RPS6KA2: variants seen among roughly 807,000 people sequenced by gnomAD.
RPS6KA2 encodes the protein ribosomal protein S6 kinase alpha-2.
Under a neutral mutation model 91.8 loss-of-function variants are expected in RPS6KA2, and 42 were observed. The observed-to-expected ratio is 0.46, with a 90% CI of 0.36 to 0.59. The LOEUF is 0.59. Among genes scored for constraint, RPS6KA2 ranks in the 20% least tolerant of loss-of-function variants. The probability of loss-of-function intolerance (pLI) is 0.00; values close to 1 mark genes in which losing one functional copy is unlikely to be tolerated. For synonymous variants in RPS6KA2, 414 were observed against 393.6 expected, an observed-to-expected ratio of 1.05 and a Z score of -0.61; for missense variants, 798 against 978.5, an observed-to-expected ratio of 0.82 and a Z score of 2.46.
At chr6:166,791,989 G>A (rs138077000) in intron 2 of RPS6KA2, among the ~76,000 whole-genome samples, 1,564 of 152,022 alleles carry the variant, frequency 0.01, 40 homozygotes, top group African/African-American at 0.036. Context: ...TCAAAAGCTA[G>A]CAGAAGGCAA....
intron 1 of RPS6KA2, among the ~76,000 whole-genome samples, chr6:166,588,808 G>C (rs28377702): frequency 0.042 from 6,415 of 152,298 alleles, 217 homozygotes; most frequent in Non-Finnish European, 0.061. Context: ...ATGACAGACA[G>C]GGTGCGGCAG....
At chr6:166,763,489 A>T (rs989211616) in intron 2 of RPS6KA2, among the ~76,000 whole-genome samples, 1 of 152,216 alleles carries the variant, frequency 6.6e-6, no homozygotes, top group Non-Finnish European at 1.5e-5. Context: ...TGACTACTTC[A>T]TCTGGTTGTT....
chr6:166,858,792 T>C (rs1536645), intron 1 of RPS6KA2, among the ~76,000 whole-genome samples: 118,011 of 152,268 alleles, frequency 0.78, 49,904 homozygotes, highest in Non-Finnish European at 0.93. Context: ...AAGGTTTAAG[T>C]GGAACCATCT....
chr6:166,841,438 C>T (rs1432405025), intron 2 of RPS6KA2, among the ~76,000 whole-genome samples: 1 of 152,178 alleles, frequency 6.6e-6, no homozygotes, highest in African/African-American at 2.4e-5. Flanking sequence ...CCAGAGCTGA[C>T]GATGAGCTTT....
At chr6:166,588,288 C>G (rs3799601) in intron 1 of RPS6KA2, among the ~76,000 whole-genome samples, 14,548 of 152,246 alleles carry the variant, frequency 0.096, 780 homozygotes, top group East Asian at 0.25. Context: ...AAAGAAACAG[C>G]CTATGAGTGT....
At position 166,609,018 on chromosome 6, in the gene RPS6KA2, C is replaced by T. The variant is rs117203465; in HGVS notation, c.99+17903G>A. ...CCCCAGTTCAACCCCATCTCCACTG[C>T]GGTTTGGAAAATTGTCAGGCCTGAG... On this transcript the variant is annotated intron_variant, in intron 1 of 20. Coordinates refer to ENST00000265678, the MANE Select transcript of RPS6KA2 (RefSeq NM_021135.6). 2.4e-3 allele frequency among the ~76,000 whole-genome samples: 362 copies of T among 152,218 alleles called. 2 individuals carry two copies. Among genetic ancestry groups the T allele is most frequent in the Non-Finnish European group, 3.7e-3 (251 of 68,022 alleles).
At chr6:166,775,254 C>T (rs60429820) in intron 2 of RPS6KA2, among the ~76,000 whole-genome samples, 4,572 of 142,834 alleles carry the variant, frequency 0.032, 243 homozygotes, top group African/African-American at 0.11. Context: ...ATTGAAAGCC[C>T]CCCCCACCCC....
intron 2 of RPS6KA2, among the ~76,000 whole-genome samples, chr6:166,721,954 A>G (rs935112497): frequency 6.6e-6 from 1 of 152,188 alleles, no homozygotes; most frequent in African/African-American, 2.4e-5. Context: ...ATTTGTGCAA[A>G]ATGTTTAGGT....
chr6:166,446,320 T>C (rs568996855), intron 14 of RPS6KA2, among the ~76,000 whole-genome samples: 1 of 152,242 alleles, frequency 6.6e-6, no homozygotes, highest in South Asian at 2.1e-4. Context: ...TCCCGGGCCG[T>C]TCATGGGGCT....
chr6:166,511,946 A>G lies in RPS6KA2; in HGVS notation c.299-1589T>C, dbSNP rs1172832626. ...AGCCCAGCAACTCTGCTCACAGGAT[A>G]CACATCCAAAAAAACTGAAAGTATG... On this transcript the variant is annotated intron_variant, in intron 3 of 20. Transcript: ENST00000265678. Among the ~76,000 whole-genome samples, 3 of 152,206 alleles carry G rather than the reference A, an allele frequency of 2.0e-5. No individual in the cohort carries two copies. The East Asian group carries it at 5.8e-4, about 29-fold the overall frequency.
intron 2 of RPS6KA2, among the ~76,000 whole-genome samples, chr6:166,854,648 T>A (rs1396629185): frequency 2.0e-5 from 3 of 152,164 alleles, no homozygotes; most frequent in African/African-American, 7.2e-5. Context: ...GCATGAAACG[T>A]TTATCAGTTT....
intron 2 of RPS6KA2, among the ~76,000 whole-genome samples, chr6:166,655,867 T>C (rs1396678409): frequency 2.0e-5 from 3 of 152,182 alleles, no homozygotes; most frequent in Non-Finnish European, 4.4e-5. Flanking sequence ...CAGGACTACA[T>C]GGAGCAGAGC....
intron 5 of RPS6KA2, among the ~76,000 whole-genome samples, chr6:166,504,956 G>A (rs1782145216): frequency 6.6e-6 from 1 of 152,234 alleles, no homozygotes; most frequent in African/African-American, 2.4e-5. Context: ...TCTAGCATGA[G>A]TGCTGCTCAT....
intron 1 of RPS6KA2, among the ~76,000 whole-genome samples, chr6:166,602,597 G>C (rs952239245): frequency 2.0e-5 from 3 of 152,182 alleles, no homozygotes. Context: ...GGAACAAGAC[G>C]CATTCATGCA....
chr6:166,552,958 A>G (rs1459409177), intron 1 of RPS6KA2, among the ~76,000 whole-genome samples: 1 of 152,186 alleles, frequency 6.6e-6, no homozygotes, highest in Admixed American at 6.5e-5. Flanking sequence ...TAGCTTTGAC[A>G]TTGATCTACT....
At chr6:166,530,560 C>A (rs530799327) in intron 3 of RPS6KA2, among the ~76,000 whole-genome samples, 3 of 152,338 alleles carry the variant, frequency 2.0e-5, no homozygotes, top group African/African-American at 4.8e-5. Flanking sequence ...CTGTCCAGTG[C>A]CCGGCGCTGT....
At chr6:166,578,305 A>G (rs563797529) in intron 1 of RPS6KA2, among the ~76,000 whole-genome samples, 1 of 152,216 alleles carries the variant, frequency 6.6e-6, no homozygotes, top group African/African-American at 2.4e-5. Flanking sequence ...GCACACCTAC[A>G]TGTACTGTCC....
rs557648899 is a variant in RPS6KA2, at chr6:166,839,370, T to G, written c.123+18830A>C. Among the ~76,000 whole-genome samples the G allele has an allele frequency of 2.0e-5, 3 of 152,204 alleles. No homozygotes were observed. The South Asian group carries it at 6.2e-4, about 32-fold the overall frequency. On this transcript the variant is annotated intron_variant, in intron 2 of 21. Transcript: ENST00000503859. ...AACCAGAGGACTTGTCATTCATCACTGCAGTGTCTACGTGGCCTTTTCCAG... is the reference window on the plus strand; with the variant it reads ...AACCAGAGGACTTGTCATTCATCACGGCAGTGTCTACGTGGCCTTTTCCAG...
At position 166,414,580 on chromosome 6, in the gene RPS6KA2, C is replaced by T. The variant is rs116997684; in HGVS notation, c.1939-649G>A. ...TTGGTTACAGTGTGAATTACATTTG[C>T]GGACAAACCTGATGCTTCTGCTCTA... is the stretch of plus-strand genomic sequence containing the variant. On this transcript the variant is annotated intron_variant, in intron 19 of 20. Transcript: ENST00000265678. 2.9e-3 allele frequency among the ~76,000 whole-genome samples: 440 copies of T among 152,330 alleles called. 2 individuals are homozygous for T. Among genetic ancestry groups the T allele is most frequent in the Non-Finnish European group, 4.7e-3 (318 of 68,028 alleles).
Sources: allele counts gnomAD v4.1 joint callset (sites outside exome capture counted in the v4.1 genomes callset), GRCh38; gene constraint gnomAD v4.1.1; transcripts MANE v1.5; gene names NCBI Gene and HGNC (gene_info 2026-07-23, HGNC 2026-07-21).